RPTOR: variants seen among roughly 807,000 people sequenced by gnomAD.
The protein encoded by RPTOR is regulatory associated protein of MTOR complex 1.
A neutral mutation model predicts 169.9 loss-of-function variants in RPTOR; 21 were observed. The ratio of observed to expected loss-of-function variants is 0.12; its 90% CI spans 0.09 to 0.18. The LOEUF is 0.18. Among genes scored for constraint, RPTOR ranks in the 10% least tolerant of loss-of-function variants. RPTOR has a pLI of 1.00. For synonymous variants in RPTOR, 732 were observed against 753.2 expected (o/e 0.97, Z 0.46); for missense variants, 1,133 against 1,855.9 (o/e 0.61, Z 7.16).
At chr17:80,834,021 G>A (rs1228060866) in intron 9 of RPTOR, among the ~76,000 whole-genome samples, 1 of 152,212 alleles carries the variant, frequency 6.6e-6, no homozygotes, top group African/African-American at 2.4e-5. Context: ...GTTGCCATGC[G>A]ATTTTAGAAT....
chr17:80,873,684 C>T (rs550588890), intron 13 of RPTOR, among the ~76,000 whole-genome samples: 1 of 152,188 alleles, frequency 6.6e-6, no homozygotes, highest in African/African-American at 2.4e-5. Flanking sequence ...GCTCGGTGTG[C>T]CCCAAAGTCT....
At position 80,627,168 on chromosome 17, in the gene RPTOR, T is replaced by C. The variant is rs534552154; in HGVS notation, c.265+1375T>C. 3.5e-3 allele frequency among the ~76,000 whole-genome samples: 534 copies of C among 152,332 alleles called. 2 individuals are homozygous for C. The highest frequency in any genetic ancestry group is 0.012 in the African/African-American group (508 of 41,580). ...CGCAATAACTGGACTTATAGGCACC[T>C]GCCACCACGCCCAGGCAATTTTTGT... is the stretch of plus-strand genomic sequence containing the variant. On this transcript the variant is annotated intron_variant, in intron 2 of 33. Transcript: ENST00000306801.
intron 1 of RPTOR, among the ~76,000 whole-genome samples, chr17:80,547,235 C>T (rs774492342): frequency 2.1e-4 from 32 of 152,242 alleles, no homozygotes; most frequent in Non-Finnish European, 3.4e-4. Context: ...TGTATAAATT[C>T]TATCTTATGG....
At chr17:80,915,843 A>C (rs1204307517) in intron 21 of RPTOR, among the ~76,000 whole-genome samples, 1 of 147,040 alleles carries the variant, frequency 6.8e-6, no homozygotes, top group African/African-American at 2.5e-5. Flanking sequence ...TACCCACTCC[A>C]GGGTCTCCTC....
At chr17:80,740,425 G>A (rs1435442731) in intron 5 of RPTOR, among the ~76,000 whole-genome samples, 4 of 152,046 alleles carry the variant, frequency 2.6e-5, no homozygotes, top group African/African-American at 9.7e-5. Flanking sequence ...ATTTTATGAG[G>A]CCATTATTAT....
At position 80,845,765 on chromosome 17, in the gene RPTOR, C is replaced by T. The variant is rs1323691126; in HGVS notation, c.1213-708C>T. 6.6e-6 allele frequency among the ~76,000 whole-genome samples: 1 copy of T among 152,234 alleles called. No individual in the cohort carries two copies. Among genetic ancestry groups the T allele is most frequent in the Non-Finnish European group, 1.5e-5 (1 of 68,044 alleles). On this transcript the variant is annotated intron_variant, in intron 10 of 33. Coordinates refer to ENST00000306801, the MANE Select transcript of RPTOR (RefSeq NM_020761.3). The surrounding 1 kb of genome is among the most constrained non-coding windows in gnomAD (Gnocchi z 5.4). ...TCCCCTTTGCAACCAAAACCAAATT[C>T]ACCCTGTCTCGAAACCCCTCTGGCT...
At chr17:80,873,114 G>A (rs1195121312) in intron 13 of RPTOR, among the ~76,000 whole-genome samples, 1 of 150,062 alleles carries the variant, frequency 6.7e-6, no homozygotes, top group Non-Finnish European at 1.5e-5. Context: ...AGGCACCACA[G>A]TTTTGACCTG....
intron 13 of RPTOR, among the ~76,000 whole-genome samples, chr17:80,879,647 A>G (rs1003986592): frequency 6.6e-6 from 1 of 152,198 alleles, no homozygotes; most frequent in African/African-American, 2.4e-5. Context: ...AACTGTGAGC[A>G]GGGCACAAAT....
rs928032118 is a variant in RPTOR, at chr17:80,878,644, C to T, written c.1510-1771C>T. ...TATAGGCATGAGCCACCACGCCCAGCTGAGCACAGATTTTTAAAACTTTAC... is the reference window on the plus strand; with the variant it reads ...TATAGGCATGAGCCACCACGCCCAGTTGAGCACAGATTTTTAAAACTTTAC... On this transcript the variant is annotated intron_variant, in intron 13 of 33. Transcript: ENST00000306801. This position sits in a 1 kb window ranked among gnomAD's most constrained non-coding sequence, Gnocchi z 4.1. Among the ~76,000 whole-genome samples, 5 of 152,248 alleles carry T rather than the reference C, an allele frequency of 3.3e-5. No individual in the cohort carries two copies. Among genetic ancestry groups the T allele is most frequent in the Admixed American group, 6.5e-5 (1 of 15,282 alleles).
rs2067913735 is a variant in RPTOR at position 80,861,215 on chromosome 17, T to A, written c.1509+3315T>A. Among the ~76,000 whole-genome samples, 2 of 144,808 alleles carry A rather than the reference T, an allele frequency of 1.4e-5. 1 individual carries two copies. The highest frequency in any genetic ancestry group is 4.9e-5 in the African/African-American group (2 of 40,938). 95.0% of individuals were successfully genotyped at this position (144,808 alleles called of 152,430 possible). On this transcript the variant is annotated intron_variant, in intron 13 of 33. Coordinates refer to ENST00000306801, the MANE Select transcript of RPTOR (RefSeq NM_020761.3). The surrounding 1 kb of genome is among the most constrained non-coding windows in gnomAD (Gnocchi z 4.5). ...ACTTCCCTTGGCCATGATTTGCCTC[T>A]GTAAAATCATGAGCCTTCGGCCGTC...
At chr17:80,618,995 T>C (rs2065334835) in intron 1 of RPTOR, among the ~76,000 whole-genome samples, 2 of 152,186 alleles carry the variant, frequency 1.3e-5, no homozygotes, top group South Asian at 4.1e-4. Flanking sequence ...CCCTGCGAGG[T>C]ATATCTACTC....
rs1250453706 is a variant in RPTOR at position 80,746,188 on chromosome 17, A to C, written c.655-7822A>C. Among the ~76,000 whole-genome samples, 4 of 146,376 alleles carry C rather than the reference A, an allele frequency of 2.7e-5. No homozygotes were observed. Among genetic ancestry groups the C allele is most frequent in the African/African-American group, 5.0e-5 (2 of 40,188 alleles). On this transcript the variant is annotated intron_variant, in intron 5 of 33. Transcript: ENST00000306801. The surrounding 1 kb of genome is among the most constrained non-coding windows in gnomAD (Gnocchi z 4.5). ...AAAAAAAAAAAAAAAAGTGCAGTGC[A>C]GGTGATCCCCACCGCCCCCACAGCG...
chr17:80,905,894 G>A (rs1045774304), intron 20 of RPTOR, among the ~76,000 whole-genome samples: 10 of 152,202 alleles, frequency 6.6e-5, no homozygotes, highest in African/African-American at 1.9e-4. Flanking sequence ...CCTCACCCCC[G>A]GGTCTTGTGA....
At position 80,823,384 on chromosome 17, in the gene RPTOR, C is replaced by G. The variant is rs945630738; in HGVS notation, c.1136+161C>G. The stretch of plus-strand genomic sequence containing the variant: ...CTAAATGCAGGGCTCCCAGAGATCT[C>G]CACACAGAGGAGTGGGGGTCTCCTT... On this transcript the variant is annotated intron_variant, in intron 9 of 33. Transcript: ENST00000306801. This position sits in a 1 kb window ranked among gnomAD's most constrained non-coding sequence, Gnocchi z 4.5. 5.5e-6 allele frequency: 4 copies of G among 733,490 alleles called. No individual in the cohort carries two copies. In the African/African-American group the frequency reaches 9.2e-5, roughly 17 times the overall value. The allele number at this position is 733,490 out of a possible 1,614,324, so 45.4% of individuals were successfully genotyped here.
chr17:80,875,848 C>T (rs1373908980), intron 13 of RPTOR, among the ~76,000 whole-genome samples: 1 of 141,930 alleles, frequency 7.0e-6, no homozygotes, highest in Admixed American at 7.0e-5. Context: ...ATGTGTGTGT[C>T]ACCTGCTGGG....
At chr17:80,723,550 C>T (rs1236834342) in intron 4 of RPTOR, among the ~76,000 whole-genome samples, 2 of 151,298 alleles carry the variant, frequency 1.3e-5, no homozygotes, top group Non-Finnish European at 2.9e-5. Flanking sequence ...ACTGACACAC[C>T]TTCTAGCATT....
intron 21 of RPTOR, among the ~76,000 whole-genome samples, chr17:80,911,887 G>A (rs951485978): frequency 3.3e-5 from 5 of 152,198 alleles, no homozygotes; most frequent in Non-Finnish European, 7.3e-5. Flanking sequence ...AGAAAAGAAA[G>A]TCATAAGACT....
chr17:80,598,301 G>C (rs2065158850), intron 1 of RPTOR, among the ~76,000 whole-genome samples: 1 of 152,186 alleles, frequency 6.6e-6, no homozygotes, highest in Admixed American at 6.5e-5. Flanking sequence ...CCACAGCAGA[G>C]AGGCGTCTAG....
intron 19 of RPTOR, among the ~76,000 whole-genome samples, chr17:80,893,454 T>G (rs2068357354): frequency 7.8e-6 from 1 of 128,738 alleles, no homozygotes; most frequent in African/African-American, 3.0e-5. Flanking sequence ...TGGGTGTGTA[T>G]ACGCGCCAGG....
Sources: allele counts gnomAD v4.1 joint callset (sites outside exome capture counted in the v4.1 genomes callset), GRCh38; gene constraint gnomAD v4.1.1; non-coding constraint Gnocchi (gnomAD v3.1); transcripts MANE v1.5; gene names NCBI Gene and HGNC (gene_info 2026-07-23, HGNC 2026-07-21).